Variants in COL6A5 observed in about 807,000 individuals in gnomAD.
COL6A5 encodes the protein collagen type VI alpha 5 chain.
COL6A5 carries 48 observed loss-of-function variants against 65.6 expected under a neutral mutation model. The ratio of observed to expected loss-of-function variants is 0.73; its 90% CI spans 0.58 to 0.93. COL6A5 has a LOEUF of 0.93. COL6A5 is among the 40% of genes least tolerant of loss of function. The pLI is 0.00. For missense variants in COL6A5, 914 were observed against 928.3 expected (o/e 0.98, Z 0.20); for synonymous variants, 291 against 322.8 (o/e 0.90, Z 1.05).
chr3:130,435,706 G>T (rs1351791916), intron 1 of COL6A5, among the ~76,000 whole-genome samples: 2 of 152,096 alleles, frequency 1.3e-5, no homozygotes, highest in African/African-American at 2.4e-5. Context: ...GATTGTAAAT[G>T]GGAGTTCACT....
intron 1 of COL6A5, among the ~76,000 whole-genome samples, chr3:130,347,038 GCTGAGAAC>G (rs1934507121): frequency 6.6e-6 from 1 of 152,176 alleles, no homozygotes; most frequent in Non-Finnish European, 1.5e-5. Context: ...CTTCATCACT[GCTGAGAAC>G]CTGAGCCATT....
chr3:130,459,019 G>C (rs904819991), intron 5 of COL6A5, among the ~76,000 whole-genome samples: 2 of 152,086 alleles, frequency 1.3e-5, no homozygotes, highest in Admixed American at 6.6e-5. Flanking sequence ...ATGTTTTCTT[G>C]TGAAATGTTT....
At chr3:130,345,916 G>T (rs1934451768) in exon 1 of COL6A5, 3 of 398,708 alleles carry the variant, frequency 7.5e-6, no homozygotes, top group Non-Finnish European at 1.3e-5. Flanking sequence ...GCTCGGTGCA[G>T]CCTCTTCTGG....
chr3:130,361,054 G>C (rs1935087724), intron 1 of COL6A5, among the ~76,000 whole-genome samples: 1 of 151,608 alleles, frequency 6.6e-6, no homozygotes, highest in African/African-American at 2.4e-5. Context: ...GCACCAACAT[G>C]GTACATTTAT....
chr3:130,409,447 C>G (rs1341436735), intron 18 of COL6A5, 59 bp downstream of exon 18: 1 of 1,401,676 alleles, frequency 7.1e-7, no homozygotes, highest in East Asian at 2.5e-5. Flanking sequence ...GTTCCTATCT[C>G]CTTTCCCTTT....
upstream of COL6A5, among the ~76,000 whole-genome samples, chr3:130,428,801 A>G (rs1047754497): frequency 1.3e-5 from 2 of 152,216 alleles, no homozygotes; most frequent in African/African-American, 4.8e-5. Flanking sequence ...GGTGTTCACA[A>G]GGGTGGATGG....
intron 1 of COL6A5, among the ~76,000 whole-genome samples, chr3:130,360,232 A>T (rs780176610): frequency 1.6e-4 from 24 of 152,258 alleles, no homozygotes; most frequent in Middle Eastern, 3.4e-3. Flanking sequence ...AGTGGCTTCA[A>T]GAACAATCCA....
chr3:130,406,752 C>A (rs1253305957), intron 17 of COL6A5, among the ~76,000 whole-genome samples: 1 of 151,778 alleles, frequency 6.6e-6, no homozygotes, highest in African/African-American at 2.4e-5. Flanking sequence ...CATTTTTTAA[C>A]TTTACATTTA....
At position 130,403,613 on chromosome 3, in the gene COL6A5, C is replaced by G. The variant is rs1197278073; in HGVS notation, c.4232C>G (p.Ser1411Cys). 8 of 1,550,914 alleles carry G rather than the reference C, an allele frequency of 5.2e-6. No homozygotes were observed. The highest frequency in any genetic ancestry group is 1.4e-5 in the African/African-American group (1 of 73,020). ...TTGTTCTCTCTTTCTTCCCAGGGTT[C>G]TCAAGGTCTGAAAGGCAGCAGAGGA... Residue 1411 changes from serine to cysteine, a missense_variant and NMD_transcript_variant, in exon 13 of 42, where the codon TCT becomes TGT. Physicochemically the swap from Ser to Cys is moderately radical, Grantham distance 112. Coordinates refer to the COL6A5 transcript ENST00000312481.
intron 20 of COL6A5, among the ~76,000 whole-genome samples, chr3:130,412,948 GTTGT>G (rs958288568): frequency 3.3e-5 from 5 of 152,120 alleles, no homozygotes; most frequent in Non-Finnish European, 7.4e-5. Context: ...AGTAATCATG[GTTGT>G]TTATCACAAC....
intron 28 of COL6A5, 43 bp downstream of exon 28, chr3:130,422,825 C>T (rs1375426768): frequency 1.4e-5 from 17 of 1,227,238 alleles, no homozygotes; most frequent in Non-Finnish European, 1.8e-5. Context: ...ATTCCTTTGG[C>T]AGACTTTGGC....
At chr3:130,471,722 G>C (rs1280760959) in intron 7 of COL6A5, 1 of 1,534,360 alleles carries the variant, frequency 6.5e-7, no homozygotes, top group Admixed American at 2.0e-5. Flanking sequence ...AGAAAATGGT[G>C]ATCTGTTTGA....
intron 20 of COL6A5, among the ~76,000 whole-genome samples, chr3:130,411,478 G>T (rs1413300362): frequency 6.6e-6 from 1 of 152,138 alleles, no homozygotes; most frequent in Non-Finnish European, 1.5e-5. Flanking sequence ...TATACCACTT[G>T]CCTTTGTTTA....
At chr3:130,434,387 C>G (rs1341526266) in intron 1 of COL6A5, among the ~76,000 whole-genome samples, 1 of 152,148 alleles carries the variant, frequency 6.6e-6, no homozygotes, top group Non-Finnish European at 1.5e-5. Context: ...AATAGTGCTG[C>G]AATAAACATA....
chr3:130,471,972 T>C (rs1709964697), intron 7 of COL6A5, 46 bp downstream of exon 40: 2 of 1,502,868 alleles, frequency 1.3e-6, no homozygotes, highest in Non-Finnish European at 1.8e-6. Context: ...GTACCTTTGT[T>C]TGGATTTTCC....
chr3:130,355,859 A>G (rs1934905851), intron 1 of COL6A5, among the ~76,000 whole-genome samples: 1 of 152,116 alleles, frequency 6.6e-6, no homozygotes, highest in African/African-American at 2.4e-5. Flanking sequence ...ATCTGATCAA[A>G]AAGCTGAATC....
chr3:130,439,884 T>C (rs150652092), intron 2 of COL6A5, among the ~76,000 whole-genome samples: 1 of 152,256 alleles, frequency 6.6e-6, no homozygotes, highest in East Asian at 1.9e-4. Flanking sequence ...CTCTAAAATA[T>C]CAAAAATATT....
At chr3:130,455,747 A>T in intron 5 of COL6A5, 81 bp downstream of exon 37, 1 of 1,159,788 alleles carries the variant, frequency 8.6e-7, no homozygotes, top group Non-Finnish European at 1.2e-6. Flanking sequence ...AATCAAATAA[A>T]TTAAGGCTGG....
chr3:130,399,214 G>C (rs1201305432), intron 10 of COL6A5, among the ~76,000 whole-genome samples: 1 of 152,118 alleles, frequency 6.6e-6, no homozygotes, highest in African/African-American at 2.4e-5. Context: ...ACCACAATAT[G>C]TCCTGTTTTA....
Sources: allele counts gnomAD v4.1 joint callset (sites outside exome capture counted in the v4.1 genomes callset), GRCh38; gene constraint gnomAD v4.1.1; transcripts MANE v1.5; gene names NCBI Gene and HGNC (gene_info 2026-07-23, HGNC 2026-07-21).